Variants in TRPM1 observed in about 807,000 individuals in gnomAD.
TRPM1 encodes the protein transient receptor potential cation channel subfamily M member 1, also known as TRPM1-203 APA Isoform, Intron 10.
Under a neutral mutation model 149.4 loss-of-function variants are expected in TRPM1, and 113 were observed. The observed-to-expected ratio is 0.76, with a 90% confidence interval of 0.65 to 0.88. The LOEUF (loss-of-function observed/expected upper bound fraction) is 0.88. Ranked by LOEUF, TRPM1 falls within the 40% of genes least tolerant of loss-of-function variation. The probability of loss-of-function intolerance (pLI) is 0.00; values close to 1 mark genes in which losing one functional copy is unlikely to be tolerated. For missense variants in TRPM1, 1,976 were observed against 2,038.7 expected, an observed-to-expected ratio of 0.97 and a Z score of 0.59; for synonymous variants, 741 against 759.5, an observed-to-expected ratio of 0.98 and a Z score of 0.40.
rs182549235 is a variant in TRPM1, at chr15:31,026,219, C to T, written c.3549G>A (p.Gln1183=). 6.2e-7 allele frequency: 1 copy of T among 1,612,566 alleles called. No individual in the cohort carries two copies. Among genetic ancestry groups the T allele is most frequent in the Admixed American group, 1.7e-5 (1 of 60,032 alleles). ...TCTCCCGGAAGTGCTCCTGCACGCA[C>T]TGCTCCTCGAACTCATGCAGCCTCT... ...ELKRLHEFEE[Q]CVQEHFREKE... The change falls in exon 27 of 28, where the codon CAG becomes CAA. Residue 1183 remains glutamine (Q), a synonymous_variant. Transcript: ENST00000256552.
intron 1 of TRPM1, among the ~76,000 whole-genome samples, chr15:31,090,073 T>C (rs1377865451): frequency 6.6e-6 from 1 of 152,166 alleles, no homozygotes; most frequent in Admixed American, 6.5e-5. Flanking sequence ...AAAAAGTGAT[T>C]ATCTTTTTTT....
intron 1 of TRPM1, among the ~76,000 whole-genome samples, chr15:31,118,895 A>G (rs543810567): frequency 1.5e-5 from 2 of 133,854 alleles, no homozygotes; most frequent in African/African-American, 5.7e-5. Context: ...CAACACATGA[A>G]TTTGATGGGG....
At chr15:31,159,256 C>T (rs1458767270) in intron 1 of TRPM1, among the ~76,000 whole-genome samples, 5 of 152,204 alleles carry the variant, frequency 3.3e-5, no homozygotes, top group African/African-American at 7.2e-5. Flanking sequence ...TGCTCCCAGA[C>T]CCTACCCATT....
intron 1 of TRPM1, among the ~76,000 whole-genome samples, chr15:31,139,573 T>C (rs1210753987): frequency 3.9e-5 from 6 of 152,232 alleles, no homozygotes; most frequent in Non-Finnish European, 8.8e-5. Flanking sequence ...ACTTAAATAT[T>C]TTATCAGAAA....
At chr15:31,099,024 G>A (rs535427885) in intron 1 of TRPM1, among the ~76,000 whole-genome samples, 39 of 152,348 alleles carry the variant, frequency 2.6e-4, no homozygotes, top group Middle Eastern at 6.8e-3. Context: ...CTGAAAAGCA[G>A]TGAGATAGAT....
chr15:31,084,182 T>C (rs773029850), intron 1 of TRPM1, among the ~76,000 whole-genome samples: 1 of 152,198 alleles, frequency 6.6e-6, no homozygotes, highest in Non-Finnish European at 1.5e-5. Context: ...TATTTTTCTT[T>C]GTACTTTCTT....
intron 1 of TRPM1, among the ~76,000 whole-genome samples, chr15:31,123,564 A>C (rs1362022512): frequency 2.0e-5 from 3 of 152,246 alleles, no homozygotes. Context: ...GTAAATAAGC[A>C]TATCAAAATA....
At chr15:31,052,372 A>G (rs1424371807) in intron 11 of TRPM1, among the ~76,000 whole-genome samples, 1 of 152,218 alleles carries the variant, frequency 6.6e-6, no homozygotes, top group Non-Finnish European at 1.5e-5. Context: ...GGTGCTGGGA[A>G]AACTGGATAT....
chr15:31,048,362 T>C (rs1249159536), intron 13 of TRPM1, among the ~76,000 whole-genome samples: 1 of 152,198 alleles, frequency 6.6e-6, no homozygotes, highest in Non-Finnish European at 1.5e-5. Context: ...AGAGCTGGAG[T>C]GTAACCCACA....
chr15:31,103,847 G>GA (rs375438198), upstream of TRPM1, among the ~76,000 whole-genome samples: 78 of 145,220 alleles, frequency 5.4e-4, no homozygotes, highest in African/African-American at 1.0e-3. Context: ...GAAAGAAAAA[G>GA]AAAAAAAAAA....
intron 2 of TRPM1, among the ~76,000 whole-genome samples, chr15:31,079,511 T>C (rs183174287): frequency 8.2e-4 from 125 of 152,282 alleles, no homozygotes; most frequent in Admixed American, 1.4e-3. Context: ...ACCCTCTGAG[T>C]GCGCAAGCAA....
At chr15:31,081,306 C>CAGGGGGGG (rs1466735595) in intron 2 of TRPM1, 47 bp downstream of exon 2, 1 of 722,372 alleles carries the variant, frequency 1.4e-6, no homozygotes, top group Non-Finnish European at 1.8e-6. Context: ...CGTACTTTCT[C>CAGGGGGGG]AGGGGGGGAG....
intron 26 of TRPM1, 98 bp from the exon 27 acceptor site, chr15:31,026,369 T>C (rs927552011): frequency 1.7e-5 from 24 of 1,442,548 alleles, no homozygotes; most frequent in Admixed American, 3.7e-5. Flanking sequence ...TTAAGCTCTC[T>C]TCTCCGCCAC....
chr15:31,003,417 C>T lies in TRPM1; in HGVS notation c.3630-347G>A, dbSNP rs370946336. Among the ~76,000 whole-genome samples the T allele has an allele frequency of 5.3e-5, 8 of 152,262 alleles. No individual in the cohort carries two copies. In the South Asian group the frequency reaches 8.3e-4, roughly 16 times the overall value. On this transcript the variant is annotated intron_variant, in intron 27 of 27. Transcript: ENST00000256552. ...GTCTATTATTATCATCTCCATTTTA[C>T]AGGTGAGGAAATTAAGTCATGGAGC... is the stretch of plus-strand genomic sequence containing the variant.
intron 3 of TRPM1, among the ~76,000 whole-genome samples, chr15:31,075,109 G>C (rs2034656044): frequency 6.6e-6 from 1 of 152,174 alleles, no homozygotes; most frequent in Non-Finnish European, 1.5e-5. Context: ...CTATGCTGGA[G>C]AATGTTCCAT....
chr15:31,096,977 C>T (rs1464522603), intron 1 of TRPM1, among the ~76,000 whole-genome samples: 1 of 152,222 alleles, frequency 6.6e-6, no homozygotes, highest in Non-Finnish European at 1.5e-5. Flanking sequence ...TTCACCACAG[C>T]TCAGCGTGAC....
intron 3 of TRPM1, among the ~76,000 whole-genome samples, chr15:31,071,963 CAA>C (rs71790815): frequency 3.6e-4 from 11 of 30,338 alleles, no homozygotes; most frequent in South Asian, 3.4e-3. Context: ...GACTCCGTCT[CAA>C]AAAAAAAAAA....
chr15:31,157,608 G>A (rs1359700073), intron 1 of TRPM1, among the ~76,000 whole-genome samples: 3 of 152,124 alleles, frequency 2.0e-5, no homozygotes, highest in African/African-American at 7.2e-5. Context: ...AGTACTTGGA[G>A]GTCTTTCCTG....
At chr15:31,091,187 G>A (rs1481119649) in intron 1 of TRPM1, among the ~76,000 whole-genome samples, 1 of 152,254 alleles carries the variant, frequency 6.6e-6, no homozygotes, top group African/African-American at 2.4e-5. Flanking sequence ...TGGGATGGCA[G>A]AGCTGAGAGT....
Sources: allele counts gnomAD v4.1 joint callset (sites outside exome capture counted in the v4.1 genomes callset), GRCh38; gene constraint gnomAD v4.1.1; transcripts MANE v1.5; gene names NCBI Gene and HGNC (gene_info 2026-07-23, HGNC 2026-07-21).